The following KIAA1217 variants were observed in gnomAD, a reference collection of about 807,000 sequenced individuals.
The protein encoded by KIAA1217 is sickle tail protein homolog.
In KIAA1217, 88 loss-of-function variants were observed where a neutral mutation model predicts 163.9. The observed-to-expected ratio is 0.54, with a 90% CI of 0.45 to 0.64. KIAA1217 has a LOEUF of 0.64. Ranked by LOEUF, KIAA1217 falls within the 30% of genes least tolerant of loss-of-function variation. The probability of loss-of-function intolerance (pLI) is 0.00; values close to 1 mark genes in which losing one functional copy is unlikely to be tolerated. For synonymous variants in KIAA1217, 903 were observed against 923.1 expected (o/e 0.98, Z 0.39); for missense variants, 2,372 against 2,475.0 (o/e 0.96, Z 0.88).
intron 2 of KIAA1217, among the ~76,000 whole-genome samples, chr10:24,072,304 T>C (rs1369995174): frequency 6.6e-6 from 1 of 152,026 alleles, no homozygotes; most frequent in East Asian, 1.9e-4. Flanking sequence ...GCTAGAGTTA[T>C]AAGCATGAAC....
intron 2 of KIAA1217, among the ~76,000 whole-genome samples, chr10:24,019,154 T>A (rs1246985662): frequency 3.3e-5 from 5 of 152,062 alleles, no homozygotes; most frequent in African/African-American, 4.8e-5. Flanking sequence ...TTAATGATAA[T>A]GTGTGTAGTA....
chr10:24,336,470 T>C (rs2046369897), intron 2 of KIAA1217, among the ~76,000 whole-genome samples: 1 of 152,202 alleles, frequency 6.6e-6, no homozygotes, highest in Non-Finnish European at 1.5e-5. Flanking sequence ...CCTTAGAATG[T>C]GTGCAAACTC....
At position 24,290,536 on chromosome 10, in the gene KIAA1217, A is replaced by G. The variant is rs942064917; in HGVS notation, c.354+70627A>G. Among the ~76,000 whole-genome samples, 3 of 151,756 alleles carry G rather than the reference A, an allele frequency of 2.0e-5. 1 individual carries two copies. The South Asian group carries it at 6.2e-4, about 31-fold the overall frequency. The stretch of plus-strand genomic sequence containing the variant: ...AAAAAAAAGTTCTTTCTTTTTTGCT[A>G]ACTTTCACCTTATCACAATAATGCA... On this transcript the variant is annotated intron_variant, in intron 2 of 20. Transcript: ENST00000376454.
chr10:24,122,824 A>C (rs1425785402), intron 2 of KIAA1217, among the ~76,000 whole-genome samples: 1 of 151,988 alleles, frequency 6.6e-6, no homozygotes, highest in Non-Finnish European at 1.5e-5. Flanking sequence ...ATAATTAAAA[A>C]ATAATGAAGC....
chr10:24,383,439 G>T (rs939669777), intron 3 of KIAA1217, among the ~76,000 whole-genome samples: 5 of 152,260 alleles, frequency 3.3e-5, no homozygotes, highest in African/African-American at 1.2e-4. Flanking sequence ...CCTTGGGGCA[G>T]AGAGGCTGCA....
chr10:23,917,450 T>G (rs778365107), intron 1 of KIAA1217, among the ~76,000 whole-genome samples: 2 of 152,088 alleles, frequency 1.3e-5, no homozygotes, highest in Non-Finnish European at 2.9e-5. Flanking sequence ...TAGGGCCTTG[T>G]GAAAAGAGGG....
intron 2 of KIAA1217, among the ~76,000 whole-genome samples, chr10:24,375,612 G>A (rs1171461867): frequency 1.3e-5 from 2 of 152,212 alleles, no homozygotes; most frequent in African/African-American, 4.8e-5. Context: ...AAGAAATGGG[G>A]CTAAAGTGTC....
chr10:24,175,435 G>A (rs2065831620), intron 2 of KIAA1217, among the ~76,000 whole-genome samples: 1 of 125,150 alleles, frequency 8.0e-6, no homozygotes, highest in South Asian at 2.5e-4. Context: ...ATTCCATGGT[G>A]TATATATATG....
intron 3 of KIAA1217, among the ~76,000 whole-genome samples, chr10:24,387,983 G>A (rs2054257719): frequency 2.0e-5 from 3 of 152,244 alleles, no homozygotes; most frequent in South Asian, 2.1e-4. Flanking sequence ...TACTGCCCAA[G>A]GTAATTTATA....
chr10:23,785,161 T>G (rs1431074690), intron 1 of KIAA1217, among the ~76,000 whole-genome samples: 2 of 152,214 alleles, frequency 1.3e-5, no homozygotes, highest in Admixed American at 1.3e-4. Flanking sequence ...GTTCCTCTTC[T>G]GTCACTCTCC....
At chr10:23,853,839 T>A (rs983848443) in intron 1 of KIAA1217, among the ~76,000 whole-genome samples, 2 of 152,214 alleles carry the variant, frequency 1.3e-5, no homozygotes, top group African/African-American at 4.8e-5. Context: ...TAGTTTGTAT[T>A]TCTGTGGGAT....
intron 2 of KIAA1217, among the ~76,000 whole-genome samples, chr10:24,035,707 G>T (rs1848368172): frequency 6.6e-6 from 1 of 152,150 alleles, no homozygotes; most frequent in Non-Finnish European, 1.5e-5. Flanking sequence ...CTATTTCCAT[G>T]TTCAAAACTG....
chr10:23,960,057 A>T (rs1016944785), intron 1 of KIAA1217, among the ~76,000 whole-genome samples: 2 of 151,566 alleles, frequency 1.3e-5, no homozygotes, highest in African/African-American at 4.9e-5. Context: ...CTGCAACTAC[A>T]GGCGCCTGCC....
chr10:23,857,166 G>A (rs1051749031), intron 1 of KIAA1217, among the ~76,000 whole-genome samples: 2 of 152,142 alleles, frequency 1.3e-5, no homozygotes, highest in Non-Finnish European at 2.9e-5. Flanking sequence ...CTCTCTCAGG[G>A]ATTACAATTT....
At chr10:24,460,046 G>A (rs1481715497) in intron 5 of KIAA1217, among the ~76,000 whole-genome samples, 1 of 152,176 alleles carries the variant, frequency 6.6e-6, no homozygotes, top group South Asian at 2.1e-4. Flanking sequence ...TGCCGACTGC[G>A]GAGAAACATA....
At position 23,810,641 on chromosome 10, in the gene KIAA1217, A is replaced by T. The variant is rs1362478144; in HGVS notation, c.-321+115407A>T. On this transcript the variant is annotated intron_variant, in intron 1 of 18. Coordinates refer to the KIAA1217 transcript ENST00000376462. ...ATATAGTGTCTTATATATAATAAAT[A>T]TATAGTGTGTATATATATAATTAAT... Among the ~76,000 whole-genome samples the T allele has an allele frequency of 3.1e-5, 4 of 129,530 alleles. No individual in the cohort carries two copies. The East Asian group carries it at 8.8e-4, about 29-fold the overall frequency. 85.0% of individuals were successfully genotyped at this position (129,530 alleles called of 152,430 possible).
chr10:23,900,486 T>C (rs1473927742), intron 1 of KIAA1217, among the ~76,000 whole-genome samples: 1 of 152,124 alleles, frequency 6.6e-6, no homozygotes, highest in East Asian at 1.9e-4. Context: ...CAATAAAAAT[T>C]GTTCCTGTAT....
chr10:24,430,954 G>A (rs986294841), intron 3 of KIAA1217, among the ~76,000 whole-genome samples: 1 of 152,202 alleles, frequency 6.6e-6, no homozygotes, highest in African/African-American at 2.4e-5. Flanking sequence ...ATCAAGTTCA[G>A]TCAGGCATCA....
chr10:23,945,766 T>C (rs1406767140), intron 1 of KIAA1217, among the ~76,000 whole-genome samples: 1 of 152,130 alleles, frequency 6.6e-6, no homozygotes, highest in African/African-American at 2.4e-5. Flanking sequence ...TTTCTAATAG[T>C]AGTAATAGTT....
Sources: allele counts gnomAD v4.1 joint callset (sites outside exome capture counted in the v4.1 genomes callset), GRCh38; gene constraint gnomAD v4.1.1; transcripts MANE v1.5; gene names NCBI Gene and HGNC (gene_info 2026-07-23, HGNC 2026-07-21).